GSE1: variants seen among roughly 807,000 people sequenced by gnomAD.
GSE1 encodes Gse1 coiled-coil protein.
A neutral mutation model predicts 112.6 loss-of-function variants in GSE1; 32 were observed. That is an observed-to-expected ratio of 0.28 (90% CI 0.21 to 0.38). The LOEUF (loss-of-function observed/expected upper bound fraction) is 0.38, where lower values mean the gene tolerates loss of function less well. Among genes scored for constraint, GSE1 ranks in the 10% least tolerant of loss-of-function variants. The pLI, the probability that GSE1 is intolerant of heterozygous loss-of-function variation, is 1.00. For missense variants in GSE1, 2,348 were observed against 1,699.2 expected (o/e 1.38, Z -6.71); for synonymous variants, 1,115 against 735.6 (o/e 1.52, Z -8.35).
chr16:85,635,797 G>A (rs2049946730), intron 2 of GSE1, among the ~76,000 whole-genome samples: 2 of 152,330 alleles, frequency 1.3e-5, no homozygotes, highest in South Asian at 2.1e-4. Flanking sequence ...GGGCCTCTGG[G>A]CTCCACCCCT....
chr16:85,211,222 C>T (rs1193091648), intron 1 of GSE1, among the ~76,000 whole-genome samples: 2 of 152,228 alleles, frequency 1.3e-5, no homozygotes, highest in Non-Finnish European at 1.5e-5. Flanking sequence ...TACCCAGCCC[C>T]CTGGCCAAGC....
At chr16:85,275,381 C>T (rs12599740) in intron 1 of GSE1, among the ~76,000 whole-genome samples, 22,844 of 152,172 alleles carry the variant, frequency 0.15, 2,243 homozygotes, top group East Asian at 0.37. Context: ...AAGGCTCTGT[C>T]GGGAGAGCAT....
chr16:85,645,715 C>T (rs901743695), intron 2 of GSE1, among the ~76,000 whole-genome samples: 10 of 152,220 alleles, frequency 6.6e-5, no homozygotes, highest in East Asian at 3.9e-4. Context: ...CTTCTGCCCC[C>T]GGAACCAAGG....
At chr16:85,628,785 C>T (rs1598442246) in intron 1 of GSE1, among the ~76,000 whole-genome samples, 1 of 152,334 alleles carries the variant, frequency 6.6e-6, no homozygotes, top group South Asian at 2.1e-4. Flanking sequence ...TAGCTCTTCT[C>T]GTTGCCATCT....
intron 2 of GSE1, among the ~76,000 whole-genome samples, chr16:85,469,299 A>T (rs1439134202): frequency 6.6e-6 from 1 of 151,902 alleles, no homozygotes; most frequent in African/African-American, 2.4e-5. Flanking sequence ...AGGGGCCCTT[A>T]TGAGAGACAG....
Position 85,407,994 on chromosome 16 carries a change from C to G in GSE1, c.2464+50351C>G, listed in dbSNP as rs1242179162. ...CTCTGATAATCCTCACTGTTACACT[C>G]AGGGCCCCCTGGATAATCCTCACTG... On this transcript the variant is annotated intron_variant, in intron 2 of 2. Transcript: ENST00000637419. 3.6e-5 allele frequency among the ~76,000 whole-genome samples: 2 copies of G among 55,660 alleles called. 1 individual carries two copies. Among genetic ancestry groups the G allele is most frequent in the African/African-American group, 1.4e-4 (2 of 14,126 alleles). 36.5% of individuals were successfully genotyped at this position (55,660 alleles called of 152,430 possible). A position where few individuals can be genotyped will look rare whatever the true frequency, so the allele number is the denominator to read the frequency against.
At chr16:85,391,685 C>T (rs2047842064) in intron 2 of GSE1, among the ~76,000 whole-genome samples, 1 of 152,170 alleles carries the variant, frequency 6.6e-6, no homozygotes, top group Non-Finnish European at 1.5e-5. Flanking sequence ...ACCCTGTTTC[C>T]AAGCAAGACC....
chr16:85,270,759 T>G (rs1908749868), intron 1 of GSE1, among the ~76,000 whole-genome samples: 1 of 151,936 alleles, frequency 6.6e-6, no homozygotes, highest in Admixed American at 6.6e-5. Context: ...CCTGGGTGTT[T>G]CCGGGGTGGG....
In GSE1 at chr16:85,575,452, G is replaced by T. The variant is rs376317550; in HGVS notation, c.37+19089G>T. Among the ~76,000 whole-genome samples, 43 of 152,244 alleles carry T rather than the reference G, an allele frequency of 2.8e-4. 1 individual carries two copies. Among genetic ancestry groups the T allele is most frequent in the African/African-American group, 1.0e-3 (43 of 41,522 alleles). ...TCCTTGCTTCGCTCTGGTGCTGTGT[G>T]CCCTGTGGGGACCGGCTTCCCTCTC... On this transcript the variant is annotated intron_variant, in intron 1 of 2. Coordinates refer to the GSE1 transcript ENST00000635906.
chr16:85,443,264 C>T (rs1015172341), intron 2 of GSE1, among the ~76,000 whole-genome samples: 10 of 152,222 alleles, frequency 6.6e-5, no homozygotes, highest in Admixed American at 5.9e-4. Context: ...CCGCCAGGCC[C>T]CAGACCACCC....
At chr16:85,224,740 A>G (rs1356485050) in intron 1 of GSE1, among the ~76,000 whole-genome samples, 1 of 152,098 alleles carries the variant, frequency 6.6e-6, no homozygotes, top group Non-Finnish European at 1.5e-5. Flanking sequence ...CTGTAATCCC[A>G]GCACTTTGGG....
At chr16:85,379,873 G>A (rs985965812) in intron 2 of GSE1, among the ~76,000 whole-genome samples, 3 of 152,220 alleles carry the variant, frequency 2.0e-5, no homozygotes, top group Admixed American at 2.0e-4. Flanking sequence ...GAAGACCTTT[G>A]CTGGTTCTAA....
chr16:85,407,951 C>A lies in GSE1; in HGVS notation c.2464+50308C>A, dbSNP rs1217705451. 3.6e-5 allele frequency among the ~76,000 whole-genome samples: 2 copies of A among 55,634 alleles called. 1 individual carries two copies. The highest frequency in any genetic ancestry group is 7.7e-5 in the Non-Finnish European group (2 of 25,966). The allele number at this position is 55,634 out of a possible 152,430, so 36.5% of individuals were successfully genotyped here. A position where few individuals can be genotyped will look rare whatever the true frequency, so the allele number is the denominator to read the frequency against. ...CTCAGGCCCCCCTGGATAATCCTCA[C>A]CGTTACACTCAGGGTCCCTCTGATA... On this transcript the variant is annotated intron_variant, in intron 2 of 2. Coordinates refer to the GSE1 transcript ENST00000637419.
chr16:85,204,957 C>T (rs1156883494), intron 1 of GSE1, among the ~76,000 whole-genome samples: 1 of 152,160 alleles, frequency 6.6e-6, no homozygotes, highest in Non-Finnish European at 1.5e-5. Flanking sequence ...CAGGACACTC[C>T]AAAAGGGAAT....
rs542401499 is a variant in GSE1, at chr16:85,198,548, C to G, written c.2283+26741C>G. 3.3e-5 allele frequency among the ~76,000 whole-genome samples: 5 copies of G among 150,002 alleles called. No individual in the cohort carries two copies. In the South Asian group the frequency reaches 1.1e-3, roughly 32 times the overall value. ...TCCAGTGGTGATGTGCTGGGAGGGT[C>G]GGGATGGGGGTAGCCTGAGCTCTGC... is the stretch of plus-strand genomic sequence containing the variant. On this transcript the variant is annotated intron_variant, in intron 1 of 2. Transcript: ENST00000637419.
chr16:85,666,207 C>G lies in GSE1; in HGVS notation c.2990C>G (p.Pro997Arg). 6.2e-7 allele frequency: 1 copy of G among 1,613,662 alleles called. No homozygotes were observed. The highest frequency in any genetic ancestry group is 8.5e-7 in the Non-Finnish European group (1 of 1,180,040). ...SMLHYIRGAA[P>R]KDIPVPLSHS... ...CTTCACTATATCCGGGGCGCTGCAC[C>G]CAAGGACATTCCTGTGCCGCTGTCC... Residue 997 changes from proline to arginine, a missense_variant, in exon 13 of 16, where the codon CCC (proline) becomes CGC (arginine). Coordinates refer to ENST00000253458, the MANE Select transcript of GSE1 (RefSeq NM_014615.5).
At chr16:85,456,095 T>G (rs562732854) in intron 2 of GSE1, among the ~76,000 whole-genome samples, 1 of 152,354 alleles carries the variant, frequency 6.6e-6, no homozygotes, top group Non-Finnish European at 1.5e-5. Context: ...CATCCTCATC[T>G]GTGTCCAGAG....
rs1343538488 is a variant in GSE1, at chr16:85,654,841, A to T, written c.647A>T (p.Glu216Val). 5.6e-6 allele frequency: 9 copies of T among 1,611,568 alleles called. No individual in the cohort carries two copies. Among genetic ancestry groups the T allele is most frequent in the Non-Finnish European group, 6.8e-6 (8 of 1,179,570 alleles). Residue 216 changes from glutamate (E) to valine (V), a missense_variant, in exon 5 of 16, where the codon GAG becomes GTG. Transcript: ENST00000253458. ...GTGGTGCCCCCCAGTACCGTGACCG[A>T]GGACTACCTGAGAAGCTTCCGGCCC... ...HHVVPPSTVT[E>V]DYLRSFRPYH...
chr16:85,496,462 G>T (rs115462273), intron 2 of GSE1, among the ~76,000 whole-genome samples: 1,534 of 152,368 alleles, frequency 0.01, 19 homozygotes, highest in African/African-American at 0.035. Context: ...GTGCCCGGGA[G>T]ACCAGCAAAG....
Sources: allele counts gnomAD v4.1 joint callset (sites outside exome capture counted in the v4.1 genomes callset), GRCh38; gene constraint gnomAD v4.1.1; transcripts MANE v1.5; gene names NCBI Gene and HGNC (gene_info 2026-07-23, HGNC 2026-07-21).